CD47: variants seen among roughly 807,000 people sequenced by gnomAD.
CD47 encodes the protein leukocyte surface antigen CD47.
Under a neutral mutation model 44.6 loss-of-function variants are expected in CD47, and 11 were observed. The ratio of observed to expected loss-of-function variants is 0.25; its 90% CI spans 0.16 to 0.41. The LOEUF (loss-of-function observed/expected upper bound fraction) is 0.41. Among genes scored for constraint, CD47 ranks in the 10% least tolerant of loss-of-function variants. The pLI, the probability that CD47 is intolerant of heterozygous loss-of-function variation, is 1.00. For synonymous variants in CD47, 140 were observed against 136.3 expected (o/e 1.03, Z -0.19); for missense variants, 306 against 386.7 (o/e 0.79, Z 1.75).
chr3:108,049,115 TCTCTCTCTCTC>T (rs1168572331), intron 10 of CD47, among the ~76,000 whole-genome samples: 5 of 134,776 alleles, frequency 3.7e-5, no homozygotes, highest in African/African-American at 1.5e-4. Flanking sequence ...TCTCTCTCTC[TCTCTCTCTCTC>T]TCTCTCTCTC....
intron 10 of CD47, 31 bp from the exon 11 acceptor site, chr3:108,047,323 C>T: frequency 4.5e-6 from 7 of 1,556,644 alleles, no homozygotes; most frequent in Non-Finnish European, 6.2e-6. Flanking sequence ...CACATAATCA[C>T]TATTCGTGTC....
rs969325274 is a variant in CD47, at chr3:108,080,129, C to G, written c.262G>C (p.Val88Leu). Residue 88 changes from valine to leucine, a missense_variant, in exon 2 of 11, where the codon GTC (valine) becomes CTC (leucine). By Grantham distance (32) the Val-to-Leu change is conservative. Transcript: ENST00000361309. ...PTDFSSAKIE[V>L]SQLLKGDASL... Reference sequence around the variant, plus strand: ...GCATCTCCTTTTAGTAATTGTGAGACTTCAATTTTTGCACTACTAAAGTCA... The same window carrying G: ...GCATCTCCTTTTAGTAATTGTGAGAGTTCAATTTTTGCACTACTAAAGTCA... The G allele has an allele frequency of 1.9e-6, 3 of 1,612,984 alleles. No individual in the cohort carries two copies. Among genetic ancestry groups the G allele is most frequent in the Non-Finnish European group, 2.5e-6 (3 of 1,179,098 alleles).
chr3:108,090,193 G>A (rs991565422), intron 1 of CD47, among the ~76,000 whole-genome samples: 1 of 152,164 alleles, frequency 6.6e-6, no homozygotes. Context: ...CTGATGGGGC[G>A]TGAGGGTCAC....
At chr3:108,057,664 C>G (rs709436) in intron 6 of CD47, 95 bp from the exon 7 acceptor site, 1 of 651,956 alleles carries the variant, frequency 1.5e-6, no homozygotes, top group African/African-American at 1.9e-5. Context: ...GTTATTCTAA[C>G]GATCAAAAAA....
chr3:108,078,258 C>T (rs771825259), intron 2 of CD47, among the ~76,000 whole-genome samples: 4 of 152,062 alleles, frequency 2.6e-5, no homozygotes, highest in Admixed American at 6.6e-5. Context: ...CTTTTAATGG[C>T]TCCCAAAATA....
At chr3:108,057,294 T>A (rs1373260069) in intron 7 of CD47, among the ~76,000 whole-genome samples, 183 bp downstream of exon 7, 2 of 152,208 alleles carry the variant, frequency 1.3e-5, no homozygotes, top group African/African-American at 4.8e-5. Flanking sequence ...TGACTTCTGG[T>A]CTTAAACTGG....
chr3:108,079,772 T>A (rs966488241), intron 2 of CD47, among the ~76,000 whole-genome samples: 2 of 151,776 alleles, frequency 1.3e-5, no homozygotes, highest in Admixed American at 6.6e-5. Context: ...AATTAACAAG[T>A]AATACAAATT....
chr3:108,088,583 C>T (rs769134765), intron 1 of CD47, among the ~76,000 whole-genome samples: 16 of 150,310 alleles, frequency 1.1e-4, no homozygotes, highest in Non-Finnish European at 2.2e-4. Flanking sequence ...TAGACTTAGA[C>T]GATGGAAAAA....
chr3:108,056,356 A>G (rs2078913167), intron 7 of CD47, among the ~76,000 whole-genome samples: 1 of 152,212 alleles, frequency 6.6e-6, no homozygotes, highest in South Asian at 2.1e-4. Flanking sequence ...TTTATCTAAT[A>G]AGCATTAATT....
Position 108,057,585 on chromosome 3 carries a change from A to C in CD47, c.785-16T>G, listed in dbSNP as rs991513833. 8.1e-7 allele frequency: 1 copy of C among 1,231,452 alleles called. No individual in the cohort carries two copies. Among genetic ancestry groups the C allele is most frequent in the Non-Finnish European group, 1.2e-6 (1 of 840,156 alleles). 76.3% of individuals were successfully genotyped at this position (1,231,452 alleles called of 1,614,324 possible). On this transcript the variant is annotated splice_polypyrimidine_tract_variant and intron_variant, in intron 6 of 10. Coordinates refer to ENST00000361309, the MANE Select transcript of CD47 (RefSeq NM_001777.4). ...GGTATACACGCTGTAAAAACAAATA[A>C]AATTCTGTATTAGAAAAGCATATGA... is the stretch of plus-strand genomic sequence containing the variant.
intron 2 of CD47, among the ~76,000 whole-genome samples, chr3:108,073,083 G>C (rs1262635760): frequency 6.7e-6 from 1 of 148,704 alleles, no homozygotes; most frequent in Non-Finnish European, 1.5e-5. Flanking sequence ...GAAAACCTTG[G>C]AGTTATACCT....
intron 7 of CD47, among the ~76,000 whole-genome samples, chr3:108,055,263 G>A (rs2078894551): frequency 6.6e-6 from 1 of 152,140 alleles, no homozygotes; most frequent in Non-Finnish European, 1.5e-5. Flanking sequence ...TGAAGAGAAA[G>A]CTTGGATTTT....
At chr3:108,090,327 G>A (rs1386260553) in intron 1 of CD47, among the ~76,000 whole-genome samples, 2 of 152,064 alleles carry the variant, frequency 1.3e-5, no homozygotes, top group Admixed American at 6.5e-5. Context: ...TGTCCTTTAC[G>A]TCCTCTTCGC....
At chr3:108,055,547 T>C (rs1331707608) in intron 7 of CD47, 2 of 1,304,180 alleles carry the variant, frequency 1.5e-6, no homozygotes, top group Non-Finnish European at 2.0e-6. Flanking sequence ...TTCAACTGAC[T>C]GTAGGTGTCC....
chr3:108,078,023 A>T (rs1193123798), intron 2 of CD47, among the ~76,000 whole-genome samples: 1 of 152,050 alleles, frequency 6.6e-6, no homozygotes, highest in Non-Finnish European at 1.5e-5. Context: ...ATGAGAGCGA[A>T]CCATTAACAC....
chr3:108,079,932 G>C (rs115840296), intron 2 of CD47, 59 bp downstream of exon 2: 1 of 1,177,896 alleles, frequency 8.5e-7, no homozygotes, highest in Non-Finnish European at 1.2e-6. Flanking sequence ...GCCTCCTCTC[G>C]AAAGAGGATC....
chr3:108,078,607 G>C (rs1471638468), intron 2 of CD47, among the ~76,000 whole-genome samples: 1 of 151,886 alleles, frequency 6.6e-6, no homozygotes, highest in Non-Finnish European at 1.5e-5. Context: ...TTCATTAAAG[G>C]TATACTTAAC....
chr3:108,090,813 C>CG, intron 1 of CD47, 50 bp downstream of exon 1: 1 of 1,446,014 alleles, frequency 6.9e-7, no homozygotes, highest in Non-Finnish European at 9.1e-7. Context: ...CACACGCCCG[C>CG]GGGGGCGAAG....
intron 7 of CD47, chr3:108,055,591 A>T: frequency 7.8e-7 from 1 of 1,284,702 alleles, no homozygotes; most frequent in Non-Finnish European, 1.0e-6. Flanking sequence ...GTTGATTTAA[A>T]AAGTTAATTT....
Sources: gnomAD v4.1 joint callset for allele counts (sites outside exome capture counted in the v4.1 genomes callset) on GRCh38, gnomAD v4.1.1 for gene constraint, MANE v1.5 for transcripts, NCBI Gene and HGNC (gene_info 2026-07-23, HGNC 2026-07-21) for gene names.